Variants in TNIK observed in about 807,000 individuals in gnomAD.
TNIK encodes TRAF2 and NCK interacting kinase.
TNIK carries 49 observed loss-of-function variants against 191.3 expected under a neutral mutation model. The observed-to-expected ratio is 0.26, with a 90% CI of 0.20 to 0.32. TNIK has a LOEUF of 0.32. Ranked by LOEUF, TNIK falls within the 10% of genes least tolerant of loss-of-function variation. The probability of loss-of-function intolerance (pLI) is 1.00; values close to 1 mark genes in which losing one functional copy is unlikely to be tolerated. For synonymous variants in TNIK, 594 were observed against 600.9 expected (o/e 0.99, Z 0.17); for missense variants, 1,155 against 1,702.3 (o/e 0.68, Z 5.66).
chr3:171,430,530 T>C (rs780254227), intron 1 of TNIK, among the ~76,000 whole-genome samples: 3 of 151,644 alleles, frequency 2.0e-5, no homozygotes, highest in Admixed American at 1.3e-4. Flanking sequence ...TCCCAGCTAC[T>C]TAGAAGGCTG....
At chr3:171,071,502 A>AG in intron 28 of TNIK, 179 bp from the exon 29 acceptor site, 1 of 579,554 alleles carries the variant, frequency 1.7e-6, no homozygotes, top group Non-Finnish European at 3.0e-6. Flanking sequence ...AGCTTCCCTT[A>AG]GCGAACTTTG....
intron 23 of TNIK, among the ~76,000 whole-genome samples, chr3:171,088,247 T>G (rs992427890): frequency 6.6e-6 from 1 of 152,014 alleles, no homozygotes; most frequent in African/African-American, 2.4e-5. Flanking sequence ...CTTTTTTTTT[T>G]TTTTGAGATG....
chr3:171,259,560 C>T lies in TNIK; in HGVS notation c.124-31339G>A, dbSNP rs997174769. ...TTGCTTCACCCTCACGTTGGAAAGA[C>T]CTTAACACTCACAAATGGAAAGAAA... On this transcript the variant is annotated intron_variant, in intron 2 of 32. Coordinates refer to ENST00000436636, the MANE Select transcript of TNIK (RefSeq NM_015028.4). Among the ~76,000 whole-genome samples, 6 of 152,094 alleles carry T rather than the reference C, an allele frequency of 3.9e-5. 1 individual carries two copies. In the East Asian group the frequency reaches 7.7e-4, roughly 20 times the overall value.
intron 1 of TNIK, among the ~76,000 whole-genome samples, chr3:171,449,117 G>A (rs1287351853): frequency 1.3e-5 from 2 of 151,986 alleles, no homozygotes; most frequent in Non-Finnish European, 2.9e-5. Context: ...ATTCCATGGT[G>A]TATATGTGCC....
intron 1 of TNIK, among the ~76,000 whole-genome samples, chr3:171,453,073 T>C (rs1051266369): frequency 3.9e-5 from 6 of 152,184 alleles, no homozygotes; most frequent in Non-Finnish European, 8.8e-5. Flanking sequence ...GAGGTTTCTA[T>C]ACTCTCTCTA....
At chr3:171,457,741 A>G (rs1728941207) in intron 1 of TNIK, among the ~76,000 whole-genome samples, 1 of 152,236 alleles carries the variant, frequency 6.6e-6, no homozygotes, top group South Asian at 2.1e-4. Flanking sequence ...TCTAGCCAGC[A>G]GTTCCTGGTC....
At chr3:171,088,215 T>C (rs1721608297) in intron 23 of TNIK, among the ~76,000 whole-genome samples, 1 of 152,056 alleles carries the variant, frequency 6.6e-6, no homozygotes, top group African/African-American at 2.4e-5. Flanking sequence ...ATATCCCTTT[T>C]TAATGTCCTT....
At chr3:171,078,854 G>A (rs934522632) in intron 28 of TNIK, among the ~76,000 whole-genome samples, 3 of 152,146 alleles carry the variant, frequency 2.0e-5, no homozygotes, top group Admixed American at 6.5e-5. Context: ...AGGGGTTAGA[G>A]GGATGTGTAT....
At chr3:171,435,744 C>T (rs1725954091) in intron 1 of TNIK, among the ~76,000 whole-genome samples, 1 of 152,066 alleles carries the variant, frequency 6.6e-6, no homozygotes, top group Non-Finnish European at 1.5e-5. Flanking sequence ...GTTTTCAGTT[C>T]CATACTGTTA....
chr3:171,161,725 T>C lies in TNIK; in HGVS notation c.950-389A>G, dbSNP rs867972359. Among the ~76,000 whole-genome samples, 539 of 150,516 alleles carry C rather than the reference T, an allele frequency of 3.6e-3. 3 individuals carry two copies. Among genetic ancestry groups the C allele is most frequent in the African/African-American group, 0.012 (512 of 41,022 alleles). ...CAAGGTCAGGAGATCGAGACCATCC[T>C]GGCTAACATGGCAAAACCCCGTCTC... On this transcript the variant is annotated intron_variant, in intron 10 of 32. Coordinates refer to ENST00000436636, the MANE Select transcript of TNIK (RefSeq NM_015028.4).
chr3:171,312,385 G>A (rs562561213), intron 2 of TNIK, among the ~76,000 whole-genome samples: 16 of 151,848 alleles, frequency 1.1e-4, no homozygotes, highest in Admixed American at 2.6e-4. Context: ...AAATATTTCC[G>A]TTTTCAAACT....
intron 3 of TNIK, among the ~76,000 whole-genome samples, chr3:171,218,773 T>C (rs1211887685): frequency 1.4e-5 from 2 of 145,214 alleles, no homozygotes; most frequent in African/African-American, 5.0e-5. Context: ...TATATACATG[T>C]ATTATATGCA....
intron 2 of TNIK, among the ~76,000 whole-genome samples, chr3:171,358,942 T>C (rs541718718): frequency 6.6e-6 from 1 of 152,126 alleles, no homozygotes; most frequent in Non-Finnish European, 1.5e-5. Flanking sequence ...GATCAGGGCA[T>C]GGGGTGGAGT....
chr3:171,326,068 G>A (rs1049896478), intron 2 of TNIK, among the ~76,000 whole-genome samples: 6 of 152,048 alleles, frequency 3.9e-5, no homozygotes, highest in Admixed American at 2.6e-4. Context: ...TATGTGGCAG[G>A]GAAGAGGAGA....
intron 2 of TNIK, among the ~76,000 whole-genome samples, chr3:171,272,223 G>C (rs1302257594): frequency 2.0e-5 from 3 of 152,188 alleles, no homozygotes; most frequent in Non-Finnish European, 4.4e-5. Flanking sequence ...GCCATGACTG[G>C]TGTTGGGACT....
At chr3:171,151,314 C>A (rs1470690988) in intron 12 of TNIK, among the ~76,000 whole-genome samples, 1 of 152,118 alleles carries the variant, frequency 6.6e-6, no homozygotes, top group Non-Finnish European at 1.5e-5. Flanking sequence ...AGTATTATAA[C>A]AAATATTCTT....
chr3:171,099,730 A>G (rs1379980168), intron 22 of TNIK, among the ~76,000 whole-genome samples: 2 of 152,176 alleles, frequency 1.3e-5, no homozygotes, highest in Non-Finnish European at 2.9e-5. Flanking sequence ...TTCTAAAGGA[A>G]CAGGAAATGC....
chr3:171,179,607 A>G (rs945771546), intron 7 of TNIK, among the ~76,000 whole-genome samples: 1 of 152,098 alleles, frequency 6.6e-6, no homozygotes, highest in Admixed American at 6.5e-5. Flanking sequence ...GCCTGCCACC[A>G]TGCCCGGCTA....
At chr3:171,180,798 T>G (rs1004004598) in intron 7 of TNIK, among the ~76,000 whole-genome samples, 1 of 152,238 alleles carries the variant, frequency 6.6e-6, no homozygotes, top group Non-Finnish European at 1.5e-5. Flanking sequence ...GACTTGAGTA[T>G]TCACCATTTT....
Sources: gnomAD v4.1 joint callset for allele counts (sites outside exome capture counted in the v4.1 genomes callset) on GRCh38, gnomAD v4.1.1 for gene constraint, MANE v1.5 for transcripts, NCBI Gene and HGNC (gene_info 2026-07-23, HGNC 2026-07-21) for gene names.